Variants in NR3C2 observed in about 807,000 individuals in gnomAD.
NR3C2 encodes mineralocorticoid receptor.
A neutral mutation model predicts 86.4 loss-of-function variants in NR3C2; 15 were observed. The observed-to-expected ratio is 0.17, with a 90% CI of 0.12 to 0.27. NR3C2 has a LOEUF of 0.27. Among genes scored for constraint, NR3C2 ranks in the 10% least tolerant of loss-of-function variants. NR3C2 has a pLI of 1.00. For synonymous variants in NR3C2, 458 were observed against 450.5 expected (o/e 1.02, Z -0.21); for missense variants, 960 against 1,195.6 (o/e 0.80, Z 2.91).
chr4:148,302,953 T>C (rs989372467), intron 2 of NR3C2, among the ~76,000 whole-genome samples: 3 of 151,380 alleles, frequency 2.0e-5, no homozygotes. Flanking sequence ...TATTTGAGGG[T>C]AGAAACCCAT....
chr4:148,135,305 C>G (rs1424984955), intron 6 of NR3C2, among the ~76,000 whole-genome samples: 1 of 152,120 alleles, frequency 6.6e-6, no homozygotes, highest in African/African-American at 2.4e-5. Context: ...GAGCAGAGCC[C>G]TCATGGATGG....
At position 148,183,986 on chromosome 4, in the gene NR3C2, G is replaced by A. The variant is rs571803351; in HGVS notation, c.2014+10760C>T. 5.3e-5 allele frequency among the ~76,000 whole-genome samples: 8 copies of A among 152,048 alleles called. No homozygotes were observed. In the East Asian group the frequency reaches 7.7e-4, roughly 15 times the overall value. ...CACAACTGGAGGAGAGTGAACTGCCGCAGGTATCTAGTAGGTAGAGACCAG... is the reference window on the plus strand; with the variant it reads ...CACAACTGGAGGAGAGTGAACTGCCACAGGTATCTAGTAGGTAGAGACCAG... On this transcript the variant is annotated intron_variant, in intron 4 of 8. Coordinates refer to ENST00000358102, the MANE Select transcript of NR3C2 (RefSeq NM_000901.5).
In NR3C2 at chr4:148,078,957, G is replaced by C. The variant is rs1373490581; in HGVS notation, c.*2387C>G. 6.6e-6 allele frequency: 1 copy of C among 152,554 alleles called. No homozygotes were observed. Among genetic ancestry groups the C allele is most frequent in the Non-Finnish European group, 1.5e-5 (1 of 68,006 alleles). 9.5% of individuals were successfully genotyped at this position (152,554 alleles called of 1,614,324 possible). ...GCAATATGGTACAAAAATAAGAGCA[G>C]ACAGACAATTTGGACTGGGACAGGC... On this transcript the variant is annotated 3_prime_UTR_variant, in exon 9 of 9. Transcript: ENST00000358102.
chr4:148,423,065 G>T (rs1398295209), intron 2 of NR3C2, among the ~76,000 whole-genome samples: 6 of 151,934 alleles, frequency 3.9e-5, no homozygotes, highest in African/African-American at 1.5e-4. Flanking sequence ...CCTTTAAATT[G>T]TCTCTAGTAT....
intron 3 of NR3C2, among the ~76,000 whole-genome samples, chr4:148,204,739 A>C (rs377073939): frequency 5.1e-4 from 78 of 152,376 alleles, no homozygotes; most frequent in East Asian, 2.9e-3. Context: ...TCAGACAAAT[A>C]CATCACTAAC....
At chr4:148,280,935 GT>G (rs1381696817) in intron 2 of NR3C2, among the ~76,000 whole-genome samples, 1 of 152,216 alleles carries the variant, frequency 6.6e-6, no homozygotes, top group Admixed American at 6.5e-5. Flanking sequence ...ATTAAACCAT[GT>G]TTGAGAGAAC....
At chr4:148,400,161 A>C (rs907148559) in intron 2 of NR3C2, among the ~76,000 whole-genome samples, 2 of 152,242 alleles carry the variant, frequency 1.3e-5, no homozygotes, top group Non-Finnish European at 2.9e-5. Flanking sequence ...GGATTTGATT[A>C]AATGTCCAGG....
At chr4:148,357,423 G>A (rs1745602442) in intron 2 of NR3C2, among the ~76,000 whole-genome samples, 1 of 151,930 alleles carries the variant, frequency 6.6e-6, no homozygotes, top group African/African-American at 2.4e-5. Flanking sequence ...TTTACATAAG[G>A]TATATCTCTC....
intron 3 of NR3C2, among the ~76,000 whole-genome samples, chr4:148,257,493 G>A (rs1739890945): frequency 6.6e-6 from 1 of 152,124 alleles, no homozygotes; most frequent in Non-Finnish European, 1.5e-5. Context: ...TATGACTTGA[G>A]TAAGGGTCTA....
chr4:148,321,200 C>T (rs1429376841), intron 2 of NR3C2, among the ~76,000 whole-genome samples: 1 of 127,282 alleles, frequency 7.9e-6, no homozygotes, highest in Admixed American at 8.9e-5. Context: ...GAGTGAGATT[C>T]TTAATCCTGA....
At chr4:148,114,556 A>G (rs191587966) in intron 7 of NR3C2, among the ~76,000 whole-genome samples, 1 of 152,290 alleles carries the variant, frequency 6.6e-6, no homozygotes, top group East Asian at 1.9e-4. Context: ...GAGGAAACTG[A>G]ACACTGGAGG....
chr4:148,315,744 T>C (rs984150127), intron 2 of NR3C2, among the ~76,000 whole-genome samples: 2 of 152,196 alleles, frequency 1.3e-5, no homozygotes, highest in African/African-American at 4.8e-5. Flanking sequence ...ATTTTGGAAA[T>C]TTCCTTTAGG....
intron 2 of NR3C2, among the ~76,000 whole-genome samples, chr4:148,404,389 T>A (rs1748311184): frequency 6.6e-6 from 1 of 152,182 alleles, no homozygotes; most frequent in Non-Finnish European, 1.5e-5. Context: ...TAATTAAATG[T>A]GGTACACTAA....
rs528195393 is a variant in NR3C2, at chr4:148,323,422, T to C, written c.1758-63305A>G. On this transcript the variant is annotated intron_variant, in intron 2 of 8. Coordinates refer to ENST00000358102, the MANE Select transcript of NR3C2 (RefSeq NM_000901.5). ...TGGGCTCCACCCAGTTCGAGCTTCC[T>C]GGCTGCTTTGTTTACCTAATCAAGC... is the stretch of plus-strand genomic sequence containing the variant. Among the ~76,000 whole-genome samples, 692 of 145,566 alleles carry C rather than the reference T, an allele frequency of 4.8e-3. 5 individuals carry two copies. The highest frequency in any genetic ancestry group is 0.014 in the African/African-American group (543 of 37,456).
At chr4:148,334,259 T>G (rs1744372793) in intron 2 of NR3C2, among the ~76,000 whole-genome samples, 1 of 152,194 alleles carries the variant, frequency 6.6e-6, no homozygotes, top group Admixed American at 6.5e-5. Context: ...CTTACACAAA[T>G]GGACCAGGCG....
In NR3C2 at chr4:148,079,548, T is replaced by C. The variant is rs1048089656; in HGVS notation, c.*1796A>G. 2.0e-5 allele frequency: 3 copies of C among 152,670 alleles called. No individual in the cohort carries two copies. Among genetic ancestry groups the C allele is most frequent in the Non-Finnish European group, 2.9e-5 (2 of 68,046 alleles). 9.5% of individuals were successfully genotyped at this position (152,670 alleles called of 1,614,324 possible). ...TAAACCTGATGATTATCATCATTTT[T>C]AAAAGATTAATTTGGCCTCTATTCA... On this transcript the variant is annotated 3_prime_UTR_variant, in exon 9 of 9. Transcript: ENST00000358102.
intron 2 of NR3C2, among the ~76,000 whole-genome samples, chr4:148,280,917 G>C (rs951080709): frequency 6.6e-6 from 1 of 152,156 alleles, no homozygotes; most frequent in Admixed American, 6.5e-5. Flanking sequence ...TCTTTTAGAC[G>C]AATCTTTATT....
intron 2 of NR3C2, among the ~76,000 whole-genome samples, chr4:148,328,649 T>A (rs1744081382): frequency 6.6e-6 from 1 of 152,202 alleles, no homozygotes; most frequent in Non-Finnish European, 1.5e-5. Flanking sequence ...CAATCTAGAT[T>A]CTTACATTGG....
chr4:148,200,184 G>A (rs1736649227), intron 3 of NR3C2, among the ~76,000 whole-genome samples: 1 of 152,178 alleles, frequency 6.6e-6, no homozygotes, highest in Non-Finnish European at 1.5e-5. Flanking sequence ...ACACAGTCTG[G>A]TAGCCCAGCC....
Sources: allele counts gnomAD v4.1 joint callset (sites outside exome capture counted in the v4.1 genomes callset), GRCh38; gene constraint gnomAD v4.1.1; transcripts MANE v1.5; gene names NCBI Gene and HGNC (gene_info 2026-07-23, HGNC 2026-07-21).